Variants in ZNF804A observed in about 807,000 individuals in gnomAD.
ZNF804A encodes zinc finger protein 804A.
Under a neutral mutation model 16.5 loss-of-function variants are expected in ZNF804A, and 2 were observed. The ratio of observed to expected loss-of-function variants is 0.12; its 90% confidence interval spans 0.05 to 0.38. The LOEUF is 0.38. ZNF804A is among the 10% of genes least tolerant of loss of function. The pLI is 0.99. For synonymous variants in ZNF804A, 534 were observed against 489.6 expected, an observed-to-expected ratio of 1.09 and a Z score of -1.20; for missense variants, 1,473 against 1,390.7, an observed-to-expected ratio of 1.06 and a Z score of -0.94.
At chr2:184,880,807 T>A (rs1317359906) in intron 2 of ZNF804A, among the ~76,000 whole-genome samples, 2 of 152,020 alleles carry the variant, frequency 1.3e-5, no homozygotes, top group Non-Finnish European at 2.9e-5. Flanking sequence ...AGCAAGAGGG[T>A]GCCCAATTCA....
intron 1 of ZNF804A, among the ~76,000 whole-genome samples, chr2:184,791,710 A>G (rs1174364851): frequency 1.3e-5 from 2 of 152,150 alleles, no homozygotes; most frequent in Non-Finnish European, 2.9e-5. Flanking sequence ...ACCAAAGTCC[A>G]TAGTTTACAT....
At chr2:184,814,135 T>A (rs1484742441) in intron 1 of ZNF804A, among the ~76,000 whole-genome samples, 1 of 151,720 alleles carries the variant, frequency 6.6e-6, no homozygotes, top group Non-Finnish European at 1.5e-5. Flanking sequence ...CAACTTGTGT[T>A]ATTTTGAAAG....
chr2:184,603,135 TAA>T (rs1259127580), intron 1 of ZNF804A, among the ~76,000 whole-genome samples: 3 of 152,192 alleles, frequency 2.0e-5, no homozygotes, highest in Non-Finnish European at 4.4e-5. Context: ...AAAGAACTGC[TAA>T]TTTACTAATC....
intron 1 of ZNF804A, among the ~76,000 whole-genome samples, chr2:184,783,174 T>G (rs1694399718): frequency 8.9e-6 from 1 of 112,046 alleles, no homozygotes; most frequent in Non-Finnish European, 1.8e-5. Flanking sequence ...AGGTAATACA[T>G]TTTTAGAGTG....
intron 1 of ZNF804A, among the ~76,000 whole-genome samples, chr2:184,862,362 T>C (rs2105809293): frequency 6.6e-6 from 1 of 152,338 alleles, no homozygotes; most frequent in South Asian, 2.1e-4. Context: ...CTCCTTTCCC[T>C]TAAGATGCAC....
In ZNF804A at chr2:184,938,225, A is replaced by T; in HGVS notation, c.2829A>T (p.Ile943=). ...LLEHKERSEN[I]NLNEKQIPFQ... is the part of the protein sequence containing the mutation. ...AACACAAAGAAAGAAGTGAGAATAT[A>T]AATCTTAATGAAAAGCAAATTCCTT... is the stretch of plus-strand genomic sequence containing the variant. Residue 943 remains isoleucine (I), a synonymous_variant, in exon 4 of 4, where the codon ATA becomes ATT. Coordinates refer to ENST00000302277, the MANE Select transcript of ZNF804A (RefSeq NM_194250.2). 6.2e-7 allele frequency: 1 copy of T among 1,614,122 alleles called. No homozygotes were observed. The highest frequency in any genetic ancestry group is 8.5e-7 in the Non-Finnish European group (1 of 1,180,014).
chr2:184,675,617 T>G (rs988600516), intron 1 of ZNF804A, among the ~76,000 whole-genome samples: 1 of 151,826 alleles, frequency 6.6e-6, no homozygotes, highest in Non-Finnish European at 1.5e-5. Context: ...TTATTTCTAT[T>G]AACTCACTGA....
At chr2:184,651,917 C>A (rs116251934) in intron 1 of ZNF804A, among the ~76,000 whole-genome samples, 1 of 151,940 alleles carries the variant, frequency 6.6e-6, no homozygotes, top group Non-Finnish European at 1.5e-5. Flanking sequence ...AGCTACGGTT[C>A]GACTCAGCAA....
chr2:184,702,503 G>A (rs867702423), intron 1 of ZNF804A, among the ~76,000 whole-genome samples: 1 of 151,922 alleles, frequency 6.6e-6, no homozygotes, highest in East Asian at 1.9e-4. Context: ...CCTGACTCCT[G>A]ATTTCTTCTC....
chr2:184,908,563 G>C (rs1013534679), intron 2 of ZNF804A, among the ~76,000 whole-genome samples: 2 of 152,046 alleles, frequency 1.3e-5, no homozygotes, highest in Non-Finnish European at 2.9e-5. Flanking sequence ...TCTACCACAG[G>C]CATCCATGGG....
intron 2 of ZNF804A, among the ~76,000 whole-genome samples, chr2:184,931,472 T>G (rs1039172410): frequency 6.6e-6 from 1 of 152,178 alleles, no homozygotes; most frequent in African/African-American, 2.4e-5. Flanking sequence ...ACTTCGGGCT[T>G]GCACCCTCTG....
chr2:184,655,598 T>C (rs1392711888), intron 1 of ZNF804A, among the ~76,000 whole-genome samples: 4 of 152,206 alleles, frequency 2.6e-5, no homozygotes, highest in African/African-American at 7.2e-5. Context: ...CAGATTTTGA[T>C]TTTATTCAAT....
At chr2:184,919,016 G>T (rs770071540) in intron 2 of ZNF804A, among the ~76,000 whole-genome samples, 18 of 152,154 alleles carry the variant, frequency 1.2e-4, no homozygotes, top group African/African-American at 4.3e-4. Context: ...CTTCAGGGTG[G>T]TAGAAAACAT....
At position 184,937,664 on chromosome 2, in the gene ZNF804A, A is replaced by G. The variant is rs1218474513; in HGVS notation, c.2268A>G (p.Arg756=). The G allele has an allele frequency of 6.2e-7, 1 of 1,614,064 alleles. No individual in the cohort carries two copies. The highest frequency in any genetic ancestry group is 8.5e-7 in the Non-Finnish European group (1 of 1,179,958). ...KHMSQNQAVK[R]GYNSVMNESE... is the part of the protein sequence containing the mutation. ...TGAGTCAGAATCAGGCTGTTAAAAG[A>G]GGTTACAATTCTGTCATGAATGAAT... Residue 756 remains arginine, a synonymous_variant, in exon 4 of 4, where the codon AGA becomes AGG. Coordinates refer to ENST00000302277, the MANE Select transcript of ZNF804A (RefSeq NM_194250.2).
At chr2:184,669,902 C>A (rs1692317249) in intron 1 of ZNF804A, among the ~76,000 whole-genome samples, 1 of 152,028 alleles carries the variant, frequency 6.6e-6, no homozygotes, top group African/African-American at 2.4e-5. Flanking sequence ...TGTAAGCCGG[C>A]AATTTTTTCT....
chr2:184,611,685 C>T (rs183639057), intron 1 of ZNF804A, among the ~76,000 whole-genome samples: 1 of 139,640 alleles, frequency 7.2e-6, no homozygotes, highest in Admixed American at 6.8e-5. Flanking sequence ...AACATTTCCT[C>T]TTCTTTTCAA....
chr2:184,766,830 GTCCC>G (rs1694136767), intron 1 of ZNF804A, among the ~76,000 whole-genome samples: 6 of 152,188 alleles, frequency 3.9e-5, no homozygotes, highest in African/African-American at 1.4e-4. Flanking sequence ...GCTGAACTGT[GTCCC>G]ATGCAAAATT....
Position 184,777,216 on chromosome 2 carries a change from C to T in ZNF804A, c.112-89153C>T, listed in dbSNP as rs185915880. The stretch of plus-strand genomic sequence containing the variant: ...TAAACTCTTCTACTTTCTTCAGTTA[C>T]CCACTCACATAGTAACCAACTGGAC... On this transcript the variant is annotated intron_variant, in intron 1 of 3. Coordinates refer to ENST00000302277, the MANE Select transcript of ZNF804A (RefSeq NM_194250.2). Among the ~76,000 whole-genome samples, 4 of 151,688 alleles carry T rather than the reference C, an allele frequency of 2.6e-5. No homozygotes were observed. The East Asian group carries it at 7.8e-4, about 30-fold the overall frequency.
At chr2:184,888,593 T>C (rs2105821144) in intron 2 of ZNF804A, among the ~76,000 whole-genome samples, 1 of 152,284 alleles carries the variant, frequency 6.6e-6, no homozygotes, top group Non-Finnish European at 1.5e-5. Context: ...GAATCTACAC[T>C]GCAGTGCCAT....
Sources: allele counts gnomAD v4.1 joint callset (sites outside exome capture counted in the v4.1 genomes callset), GRCh38; gene constraint gnomAD v4.1.1; transcripts MANE v1.5; gene names NCBI Gene and HGNC (gene_info 2026-07-23, HGNC 2026-07-21).